The following SPAG16 variants were observed in gnomAD, a reference collection of about 807,000 sequenced individuals.
SPAG16 encodes sperm-associated antigen 16 protein.
In SPAG16, 86 loss-of-function variants were observed where a neutral mutation model predicts 80.4. The observed-to-expected ratio is 1.07, with a 90% CI of 0.90 to 1.28. The LOEUF is 1.28. Ranked by LOEUF, SPAG16 falls within the 50% of genes most tolerant of loss-of-function variation. The probability of loss-of-function intolerance (pLI) is 0.00; values close to 1 mark genes in which losing one functional copy is unlikely to be tolerated. For missense variants in SPAG16, 870 were observed against 765.3 expected, an observed-to-expected ratio of 1.14 and a Z score of -1.61; for synonymous variants, 294 against 265.9, an observed-to-expected ratio of 1.11 and a Z score of -1.03.
intron 12 of SPAG16, among the ~76,000 whole-genome samples, chr2:213,976,303 CAT>C (rs1401344085): frequency 6.6e-6 from 1 of 150,584 alleles, no homozygotes. Context: ...TATGCATACA[CAT>C]GTGTGCGCAT....
At chr2:214,127,867 T>C (rs1222599634) in intron 14 of SPAG16, among the ~76,000 whole-genome samples, 3 of 151,930 alleles carry the variant, frequency 2.0e-5, no homozygotes, top group Non-Finnish European at 2.9e-5. Context: ...TTAAAGTATG[T>C]ACAAATTTCT....
At chr2:213,670,628 AT>A (rs781773575) in intron 10 of SPAG16, among the ~76,000 whole-genome samples, 4 of 151,956 alleles carry the variant, frequency 2.6e-5, no homozygotes, top group African/African-American at 7.3e-5. Flanking sequence ...ATAAAAGATA[AT>A]TTTTTCATGT....
intron 14 of SPAG16, among the ~76,000 whole-genome samples, chr2:214,120,913 G>A (rs1029697172): frequency 1.3e-5 from 2 of 151,762 alleles, no homozygotes; most frequent in African/African-American, 4.8e-5. Context: ...CTAAACATCT[G>A]ATATCTCATT....
At chr2:213,647,430 C>T (rs16850595) in intron 10 of SPAG16, among the ~76,000 whole-genome samples, 9,067 of 152,224 alleles carry the variant, frequency 0.06, 892 homozygotes, top group African/African-American at 0.2. Context: ...TCATTAGGAG[C>T]ATGCTATTAT....
intron 9 of SPAG16, among the ~76,000 whole-genome samples, chr2:213,387,720 C>T (rs1046941714): frequency 6.6e-6 from 1 of 151,830 alleles, no homozygotes; most frequent in African/African-American, 2.4e-5. Flanking sequence ...TCCCAAAGTG[C>T]TGGGATTACA....
chr2:213,345,998 T>G (rs1260984841), intron 6 of SPAG16, among the ~76,000 whole-genome samples: 1 of 152,220 alleles, frequency 6.6e-6, no homozygotes, highest in Non-Finnish European at 1.5e-5. Flanking sequence ...CGATATTGAT[T>G]CTTCCTACCC....
intron 15 of SPAG16, among the ~76,000 whole-genome samples, chr2:214,178,700 A>AC (rs993348648): frequency 2.0e-5 from 3 of 151,452 alleles, no homozygotes; most frequent in African/African-American, 7.2e-5. Flanking sequence ...TTTGTAGCAC[A>AC]CCCAGTGTTT....
intron 13 of SPAG16, among the ~76,000 whole-genome samples, chr2:214,102,941 A>T (rs1479437960): frequency 3.3e-5 from 5 of 152,170 alleles, no homozygotes; most frequent in Non-Finnish European, 7.3e-5. Flanking sequence ...CCTTGTTGCT[A>T]GGACTTCATG....
At chr2:214,053,996 TC>T (rs749545249) in intron 13 of SPAG16, among the ~76,000 whole-genome samples, 2 of 152,068 alleles carry the variant, frequency 1.3e-5, no homozygotes, top group Non-Finnish European at 2.9e-5. Flanking sequence ...TCACCCCCAC[TC>T]CCTTTTTTTT....
intron 15 of SPAG16, among the ~76,000 whole-genome samples, chr2:214,316,136 C>G (rs1275674092): frequency 2.2e-5 from 1 of 46,278 alleles, no homozygotes; most frequent in African/African-American, 7.9e-5. Flanking sequence ...TGACCTTTTA[C>G]TTTTTGGGTT....
intron 12 of SPAG16, among the ~76,000 whole-genome samples, chr2:214,000,796 C>G (rs2046755296): frequency 6.6e-6 from 1 of 152,204 alleles, no homozygotes; most frequent in Non-Finnish European, 1.5e-5. Context: ...GCTTTGAAGG[C>G]AAGCTCTGCG....
chr2:213,672,425 C>G (rs1559362563), intron 10 of SPAG16, among the ~76,000 whole-genome samples: 1 of 151,852 alleles, frequency 6.6e-6, no homozygotes, highest in Non-Finnish European at 1.5e-5. Flanking sequence ...ACATTGCCAA[C>G]TGACAAACAA....
chr2:213,871,838 TCACA>T (rs1045988177), intron 11 of SPAG16, among the ~76,000 whole-genome samples: 1,068 of 101,904 alleles, frequency 0.01, 15 homozygotes, highest in East Asian at 0.043. Flanking sequence ...CTCAGGAAAT[TCACA>T]CACACACACA....
At chr2:214,098,559 C>A (rs1456373959) in intron 13 of SPAG16, among the ~76,000 whole-genome samples, 3 of 152,006 alleles carry the variant, frequency 2.0e-5, no homozygotes, top group African/African-American at 4.8e-5. Context: ...ATGAAGCCAA[C>A]CCTGCCTACA....
chr2:213,629,245 A>G (rs1009770766), intron 10 of SPAG16, among the ~76,000 whole-genome samples: 8 of 152,316 alleles, frequency 5.3e-5, no homozygotes, highest in Middle Eastern at 3.4e-3. Flanking sequence ...TAAGAGCAAT[A>G]AAGTGGTCAG....
chr2:214,277,491 G>C (rs1692560627), intron 15 of SPAG16, among the ~76,000 whole-genome samples: 1 of 152,116 alleles, frequency 6.6e-6, no homozygotes, highest in Non-Finnish European at 1.5e-5. Flanking sequence ...CCTTTTTCTT[G>C]ATGTTGATGC....
In SPAG16 at chr2:213,305,026, T is replaced by A. The variant is rs545385566; in HGVS notation, c.280-5033T>A. On this transcript the variant is annotated intron_variant, in intron 3 of 15. Coordinates refer to ENST00000331683, the MANE Select transcript of SPAG16 (RefSeq NM_024532.5). ...CCATGAACATGGACTATCTTTTCATTTTGTTGTTTCTTTTTCGATTTCTTT... is the reference window on the plus strand; with the variant it reads ...CCATGAACATGGACTATCTTTTCATATTGTTGTTTCTTTTTCGATTTCTTT... Among the ~76,000 whole-genome samples the A allele has an allele frequency of 2.0e-5, 3 of 152,270 alleles. No homozygotes were observed. In the South Asian group the frequency reaches 6.2e-4, roughly 32 times the overall value.
At chr2:213,640,419 A>G (rs1166128413) in intron 10 of SPAG16, among the ~76,000 whole-genome samples, 2 of 151,960 alleles carry the variant, frequency 1.3e-5, no homozygotes, top group Non-Finnish European at 2.9e-5. Context: ...TGTTCAGATT[A>G]TTTTTTTCTC....
chr2:213,806,764 A>C (rs773398883), intron 10 of SPAG16, among the ~76,000 whole-genome samples: 1 of 152,198 alleles, frequency 6.6e-6, no homozygotes, highest in African/African-American at 2.4e-5. Context: ...TAAAAAGATT[A>C]CAAATGTTAC....
Sources: gnomAD v4.1 joint callset for allele counts (sites outside exome capture counted in the v4.1 genomes callset) on GRCh38, gnomAD v4.1.1 for gene constraint, MANE v1.5 for transcripts, NCBI Gene and HGNC (gene_info 2026-07-23, HGNC 2026-07-21) for gene names.